The following DPYSL3 variants were observed in gnomAD, a reference collection of about 807,000 sequenced individuals.
The protein encoded by DPYSL3 is dihydropyrimidinase-related protein 3.
DPYSL3 carries 16 observed loss-of-function variants against 66.1 expected under a neutral mutation model. That is an observed-to-expected ratio of 0.24 (90% CI 0.16 to 0.37). DPYSL3 has a LOEUF of 0.37. Ranked by LOEUF, DPYSL3 falls within the 10% of genes least tolerant of loss-of-function variation. The pLI, the probability that DPYSL3 is intolerant of heterozygous loss-of-function variation, is 1.00. For missense variants in DPYSL3, 738 were observed against 916.2 expected, an observed-to-expected ratio of 0.81 and a Z score of 2.51; for synonymous variants, 338 against 345.1, an observed-to-expected ratio of 0.98 and a Z score of 0.23.
At chr5:147,493,302 G>C (rs1220405680) in intron 1 of DPYSL3, among the ~76,000 whole-genome samples, 1 of 152,212 alleles carries the variant, frequency 6.6e-6, no homozygotes, top group Non-Finnish European at 1.5e-5. Context: ...GCAGGACGTG[G>C]TGGTTCATGT....
At chr5:147,475,300 T>C (rs1753141032) in intron 1 of DPYSL3, among the ~76,000 whole-genome samples, 1 of 152,132 alleles carries the variant, frequency 6.6e-6, no homozygotes, top group Non-Finnish European at 1.5e-5. Flanking sequence ...ATATTGCTGT[T>C]ATGTGAGATG....
chr5:147,505,953 G>T (rs1347538917), intron 1 of DPYSL3, among the ~76,000 whole-genome samples: 1 of 152,192 alleles, frequency 6.6e-6, no homozygotes, highest in Non-Finnish European at 1.5e-5. Context: ...AGAAAAATCA[G>T]ATTGTGAATT....
chr5:147,405,770 C>A (rs1282510885), intron 7 of DPYSL3, 40 bp from the exon 8 acceptor site: 1 of 1,586,530 alleles, frequency 6.3e-7, no homozygotes, highest in Non-Finnish European at 8.6e-7. Context: ...GAAACATGAA[C>A]CTCTCAAACT....
chr5:147,496,010 T>C (rs1221866709), intron 1 of DPYSL3, among the ~76,000 whole-genome samples: 32 of 152,170 alleles, frequency 2.1e-4, no homozygotes, highest in Admixed American at 2.0e-3. Flanking sequence ...ACTACAAGGC[T>C]ACAGTAACCA....
At chr5:147,423,744 G>A (rs1331122368) in intron 2 of DPYSL3, among the ~76,000 whole-genome samples, 1 of 152,036 alleles carries the variant, frequency 6.6e-6, no homozygotes, top group Non-Finnish European at 1.5e-5. Flanking sequence ...ACAGAGCCTA[G>A]CTCTGTCACC....
chr5:147,429,174 G>T (rs542992989), intron 1 of DPYSL3, among the ~76,000 whole-genome samples: 1 of 152,216 alleles, frequency 6.6e-6, no homozygotes, highest in African/African-American at 2.4e-5. Context: ...TAATCTGAAG[G>T]GTTTCTGGAA....
intron 12 of DPYSL3, 37 bp from the exon 13 acceptor site, chr5:147,395,758 T>G (rs767414777): frequency 3.7e-6 from 6 of 1,610,740 alleles, no homozygotes. Flanking sequence ...ATTCATTCAT[T>G]CAGCATTTTA....
chr5:147,507,567 C>T (rs1753700562), intron 1 of DPYSL3, among the ~76,000 whole-genome samples: 1 of 152,078 alleles, frequency 6.6e-6, no homozygotes, highest in Admixed American at 6.5e-5. Context: ...CAATCTCTAC[C>T]CTCAAGGAAA....
chr5:147,474,723 A>AT, intron 1 of DPYSL3, among the ~76,000 whole-genome samples: 1 of 152,188 alleles, frequency 6.6e-6, no homozygotes, highest in African/African-American at 2.4e-5. Flanking sequence ...AATAAATAAG[A>AT]TTTTTTGTAA....
intron 3 of DPYSL3, among the ~76,000 whole-genome samples, chr5:147,417,358 A>G (rs3805544): frequency 0.028 from 4,273 of 152,278 alleles, 178 homozygotes; most frequent in East Asian, 0.18. Flanking sequence ...CAGGACTTTC[A>G]TCAGCAGGCA....
intron 1 of DPYSL3, among the ~76,000 whole-genome samples, chr5:147,442,464 A>G (rs1371715835): frequency 6.6e-6 from 1 of 152,162 alleles, no homozygotes; most frequent in Non-Finnish European, 1.5e-5. Flanking sequence ...ACAAGAATAT[A>G]AGGCTAAGAG....
chr5:147,453,753 G>C, intron 1 of DPYSL3: 2 of 1,312,640 alleles, frequency 1.5e-6, no homozygotes, highest in Non-Finnish European at 1.9e-6. Context: ...CTCCCGCGGC[G>C]GCTGCCAGAG....
Position 147,402,146 on chromosome 5 carries a change from G to A in DPYSL3, c.1154-450C>T, listed in dbSNP as rs1758200163. On this transcript the variant is annotated intron_variant, in intron 8 of 13. Transcript: ENST00000343218. ...AGGCTTGTGAAAATGAAAAGATATG[G>A]CATACGTGAAGCATCTGGCACCTAG... The A allele has an allele frequency of 1.9e-5, 3 of 159,914 alleles. No individual in the cohort carries two copies. In the South Asian group the frequency reaches 5.6e-4, roughly 30 times the overall value. The allele number at this position is 159,914 out of a possible 1,614,324, so 9.9% of individuals were successfully genotyped here.
chr5:147,474,194 G>T (rs922111278), intron 1 of DPYSL3, among the ~76,000 whole-genome samples: 1 of 151,968 alleles, frequency 6.6e-6, no homozygotes, highest in Non-Finnish European at 1.5e-5. Flanking sequence ...TACAGTGTCT[G>T]GTGCATCATA....
chr5:147,408,700 G>T (rs1235309953), intron 7 of DPYSL3, 28 bp downstream of exon 7: 1 of 1,610,738 alleles, frequency 6.2e-7, no homozygotes, highest in Admixed American at 1.7e-5. Flanking sequence ...CATGCGTTGT[G>T]TGTGCACCTT....
intron 1 of DPYSL3, among the ~76,000 whole-genome samples, chr5:147,440,319 A>C (rs542777971): frequency 6.6e-6 from 1 of 152,274 alleles, no homozygotes; most frequent in South Asian, 2.1e-4. Flanking sequence ...AAAAACAAAA[A>C]ACATAACATC....
chr5:147,427,390 T>G (rs1752217043), intron 1 of DPYSL3, among the ~76,000 whole-genome samples: 1 of 152,210 alleles, frequency 6.6e-6, no homozygotes, highest in Non-Finnish European at 1.5e-5. Flanking sequence ...TATTCCATAT[T>G]GGTTGAATGA....
Position 147,412,697 on chromosome 5 carries a change from G to C in DPYSL3, c.883-9C>G, listed in dbSNP as rs1436292495. ...GTGAAGATCTCATAGAGCTGAAATA[G>C]AAATGAGTCTTTGTCACTCTTGCAA... is the stretch of plus-strand genomic sequence containing the variant. On this transcript the variant is annotated splice_polypyrimidine_tract_variant and intron_variant, in intron 5 of 13. Transcript: ENST00000343218. 1 of 1,607,786 alleles carries C rather than the reference G, an allele frequency of 6.2e-7. No homozygotes were observed. Among genetic ancestry groups the C allele is most frequent in the Non-Finnish European group, 8.5e-7 (1 of 1,176,560 alleles).
At chr5:147,394,237 G>A (rs1050949586) in intron 13 of DPYSL3, 114 bp from the exon 14 acceptor site, 2 of 1,048,478 alleles carry the variant, frequency 1.9e-6, no homozygotes, top group Non-Finnish European at 2.8e-6. Context: ...GAAGTGCCTT[G>A]CTGGCCTCAC....
Sources: allele counts gnomAD v4.1 joint callset (sites outside exome capture counted in the v4.1 genomes callset), GRCh38; gene constraint gnomAD v4.1.1; transcripts MANE v1.5; gene names NCBI Gene and HGNC (gene_info 2026-07-23, HGNC 2026-07-21).